Variants in CNNM3 observed in about 807,000 individuals in gnomAD.
CNNM3 encodes the protein cyclin and CBS domain divalent metal cation transport mediator 3, also known as metal transporter CNNM3.
Under a neutral mutation model 57.1 loss-of-function variants are expected in CNNM3, and 47 were observed. The observed-to-expected ratio is 0.82, with a 90% CI of 0.65 to 1.05. The LOEUF (loss-of-function observed/expected upper bound fraction) is 1.05. CNNM3 is among the 50% of genes least tolerant of loss of function. CNNM3 has a pLI of 0.00. For missense variants in CNNM3, 957 were observed against 973.7 expected (o/e 0.98, Z 0.23); for synonymous variants, 507 against 478.2 (o/e 1.06, Z -0.79).
chr2:96,836,133 G>A (rs1170153802), downstream of CNNM3, among the ~76,000 whole-genome samples: 1 of 145,906 alleles, frequency 6.9e-6, no homozygotes, highest in African/African-American at 2.6e-5. Context: ...ACCCATGGTG[G>A]AGTGCAGTGG....
downstream of CNNM3, among the ~76,000 whole-genome samples, chr2:96,835,469 CTTTTT>C (rs535208227): frequency 2.9e-5 from 4 of 137,588 alleles, no homozygotes; most frequent in African/African-American, 8.2e-5. Flanking sequence ...AACAATCAAA[CTTTTT>C]TTTTTTTTTT....
At chr2:96,828,438 C>G in intron 5 of CNNM3, 129 bp from the exon 6 acceptor site, 1 of 1,194,390 alleles carries the variant, frequency 8.4e-7, no homozygotes, top group Non-Finnish European at 1.2e-6. Flanking sequence ...CTCCCAGCTT[C>G]CCATGCACAT....
intron 6 of CNNM3, 121 bp from the exon 7 acceptor site, chr2:96,828,875 C>T: frequency 1.3e-6 from 2 of 1,509,376 alleles, no homozygotes; most frequent in Non-Finnish European, 1.8e-6. Flanking sequence ...AGTTGCTCTT[C>T]TCTGCCCTTA....
rs1318363351 is a variant in CNNM3 at position 96,835,138 on chromosome 2, CTCT to C, written c.*2527_*2529del. Among the ~76,000 whole-genome samples the C allele has an allele frequency of 2.6e-5, 4 of 152,226 alleles. No homozygotes were observed. The highest frequency in any genetic ancestry group is 4.8e-5 in the African/African-American group (2 of 41,454). On this transcript the variant is annotated 3_prime_UTR_variant, in exon 8 of 8. Coordinates refer to ENST00000305510, the MANE Select transcript of CNNM3 (RefSeq NM_017623.5). ...CTCCTGGTAACCACTAATCGTTCAT[CTCT>C]TCTTATTTTGTCATTTCAAGAATGT...
At position 96,819,643 on chromosome 2, in the gene CNNM3, T is replaced by G. The variant is rs190031628; in HGVS notation, c.1225+2141T>G. 1.5e-3 allele frequency among the ~76,000 whole-genome samples: 225 copies of G among 152,298 alleles called. 3 individuals carry two copies. Among genetic ancestry groups the G allele is most frequent in the Non-Finnish European group, 2.5e-3 (169 of 68,026 alleles). The stretch of plus-strand genomic sequence containing the variant: ...AAAGTGGAAGACTGTAGCTGTCCTT[T>G]TGGTGTTCAAAGCACTCACGTTTCT... On this transcript the variant is annotated intron_variant, in intron 1 of 7. Coordinates refer to ENST00000305510, the MANE Select transcript of CNNM3 (RefSeq NM_017623.5).
intron 2 of CNNM3, among the ~76,000 whole-genome samples, chr2:96,825,866 G>A (rs909394013): frequency 2.0e-5 from 3 of 148,518 alleles, no homozygotes; most frequent in Admixed American, 6.6e-5. Flanking sequence ...ACGCCACTGC[G>A]CTCCAGCCTG....
rs576556674 is a variant in CNNM3 at position 96,832,937 on chromosome 2, G to A, written c.*321G>A. 9.0e-4 allele frequency: 1,266 copies of A among 1,401,570 alleles called. 15 individuals are homozygous for A. In the South Asian group the frequency reaches 0.014, roughly 15 times the overall value. The allele number at this position is 1,401,570 out of a possible 1,614,324, so 86.8% of individuals were successfully genotyped here. A position where few individuals can be genotyped will look rare whatever the true frequency, so the allele number is the denominator to read the frequency against. On this transcript the variant is annotated 3_prime_UTR_variant, in exon 8 of 8. Transcript: ENST00000305510. ...TTCTCCCCCGGGGCAGGGACAGTGC[G>A]GCATATTCAGATTCAGACCTCTTTG...
Position 96,828,649 on chromosome 2 carries a change from G to T in CNNM3, c.1869G>T (p.Ala623=). Residue 623 remains alanine, a synonymous_variant, in exon 6 of 8, where the codon GCG becomes GCT. Transcript: ENST00000305510. ...PDPGDGTHSS[A]YCPDYTVRAL... ...CAGGTGACGGCACGCATTCATCTGC[G>T]TATTGTCCCGACTACACCGTGAGGG... The T allele has an allele frequency of 1.2e-6, 2 of 1,614,158 alleles. No individual in the cohort carries two copies. The highest frequency in any genetic ancestry group is 1.7e-6 in the Non-Finnish European group (2 of 1,180,044).
chr2:96,818,431 T>C (rs2079358247), intron 1 of CNNM3, among the ~76,000 whole-genome samples: 1 of 151,080 alleles, frequency 6.6e-6, no homozygotes, highest in African/African-American at 2.4e-5. Flanking sequence ...TAAAATTTTA[T>C]GTAGAGACAG....
At position 96,826,830 on chromosome 2, in the gene CNNM3, T is replaced by C. The variant is rs1574109689; in HGVS notation, c.1370-3T>C. 5 of 1,614,134 alleles carry C rather than the reference T, an allele frequency of 3.1e-6. No homozygotes were observed. The highest frequency in any genetic ancestry group is 4.2e-6 in the Non-Finnish European group (5 of 1,179,988). ...CTGAGCGCGCCCTCTTCTTCCATCT[T>C]AGGAGACACCGTGGTGAAGAGGAAG... On this transcript the variant is annotated splice_region_variant and splice_polypyrimidine_tract_variant and intron_variant, in intron 2 of 7. Coordinates refer to ENST00000305510, the MANE Select transcript of CNNM3 (RefSeq NM_017623.5).
chr2:96,835,491 C>CG (rs2079677429), downstream of CNNM3, among the ~76,000 whole-genome samples: 2 of 141,176 alleles, frequency 1.4e-5, 1 homozygote, highest in East Asian at 4.1e-4. Flanking sequence ...TTTTTTGAGA[C>CG]GGAGTCTCAC....
rs2079634306 is a variant in CNNM3, at chr2:96,833,133, G to C, written c.*517G>C. 1.4e-6 allele frequency: 1 copy of C among 702,022 alleles called. No individual in the cohort carries two copies. Among genetic ancestry groups the C allele is most frequent in the Admixed American group, 2.6e-5 (1 of 38,424 alleles). 43.5% of individuals were successfully genotyped at this position (702,022 alleles called of 1,614,324 possible). ...GGCCTTGTCCATGTTGTCCTTTCTG[G>C]CTTCCCTGATGGTGTCATGTTTCAG... On this transcript the variant is annotated 3_prime_UTR_variant, in exon 8 of 8. Coordinates refer to ENST00000305510, the MANE Select transcript of CNNM3 (RefSeq NM_017623.5).
downstream of CNNM3, among the ~76,000 whole-genome samples, chr2:96,835,866 C>T (rs553430088): frequency 5.9e-5 from 9 of 152,236 alleles, no homozygotes; most frequent in Admixed American, 2.6e-4. Flanking sequence ...TTACTTCAGC[C>T]GTTCTGACAG....
intron 1 of CNNM3, among the ~76,000 whole-genome samples, chr2:96,819,439 A>T (rs184558913): frequency 2.0e-5 from 3 of 152,096 alleles, no homozygotes; most frequent in Admixed American, 2.0e-4. Flanking sequence ...CTCATCAAGC[A>T]CTTTGGCCAG....
intron 1 of CNNM3, among the ~76,000 whole-genome samples, chr2:96,821,550 A>T (rs561675409): frequency 6.6e-5 from 10 of 152,278 alleles, no homozygotes; most frequent in Non-Finnish European, 1.2e-4. Flanking sequence ...TGACGTGCTG[A>T]TTATTTTGTG....
intron 7 of CNNM3, chr2:96,831,842 T>G (rs1333270674): frequency 3.1e-6 from 1 of 320,602 alleles, no homozygotes; most frequent in African/African-American, 2.2e-5. Flanking sequence ...GCACTGCAGC[T>G]GCCAGCTCTC....
intron 3 of CNNM3, among the ~76,000 whole-genome samples, chr2:96,827,502 AG>A (rs1346051053): frequency 1.3e-5 from 2 of 152,122 alleles, no homozygotes; most frequent in Non-Finnish European, 2.9e-5. Context: ...TCCTGACTGC[AG>A]GTGATCCACC....
rs1310874995 is a variant in CNNM3, at chr2:96,834,445, G to A, written c.*1829G>A. Among the ~76,000 whole-genome samples the A allele has an allele frequency of 6.6e-6, 1 of 151,436 alleles. No homozygotes were observed. The highest frequency in any genetic ancestry group is 2.4e-5 in the African/African-American group (1 of 41,180). Reference sequence around the variant, plus strand: ...CTGCAGCCTCGACCTCCCTGGTTCAGGCCATCCTGCCACCTCAGCCTCCTG... The same window carrying A: ...CTGCAGCCTCGACCTCCCTGGTTCAAGCCATCCTGCCACCTCAGCCTCCTG... On this transcript the variant is annotated 3_prime_UTR_variant, in exon 8 of 8. Transcript: ENST00000305510.
rs2079628322 is a variant in CNNM3 at position 96,832,881 on chromosome 2, C to T, written c.*265C>T. ...CAGGAAGGAATGAAAGGAATGCCAT[C>T]ATCTCTAGTTCCCAGGGCCCAGCCT... On this transcript the variant is annotated 3_prime_UTR_variant, in exon 8 of 8. Coordinates refer to ENST00000305510, the MANE Select transcript of CNNM3 (RefSeq NM_017623.5). 6.7e-7 allele frequency: 1 copy of T among 1,485,156 alleles called. No individual in the cohort carries two copies. The highest frequency in any genetic ancestry group is 9.0e-7 in the Non-Finnish European group (1 of 1,115,118). The allele number at this position is 1,485,156 out of a possible 1,614,324, so 92.0% of individuals were successfully genotyped here.
Sources: allele counts gnomAD v4.1 joint callset (sites outside exome capture counted in the v4.1 genomes callset), GRCh38; gene constraint gnomAD v4.1.1; transcripts MANE v1.5; gene names NCBI Gene and HGNC (gene_info 2026-07-23, HGNC 2026-07-21).